BRCA1: variants seen among roughly 807,000 people sequenced by gnomAD.
The protein encoded by BRCA1 is breast cancer type 1 susceptibility protein.
BRCA1 carries 140 observed loss-of-function variants against 173.7 expected under a neutral mutation model. That is an observed-to-expected ratio of 0.81 (90% confidence interval 0.70 to 0.93). The LOEUF is 0.93. Among genes scored for constraint, BRCA1 ranks in the 40% least tolerant of loss-of-function variants. The pLI is 0.00. For synonymous variants in BRCA1, 662 were observed against 756.0 expected, an observed-to-expected ratio of 0.88 and a Z score of 2.04; for missense variants, 1,983 against 2,172.5, an observed-to-expected ratio of 0.91 and a Z score of 1.73.
intron 1 of BRCA1, chr17:43,167,275 C>G (rs192620848): frequency 2.6e-5 from 4 of 152,166 alleles, no homozygotes; most frequent in African/African-American, 9.7e-5. Flanking sequence ...TATCAGACAC[C>G]GAGTTAAAGA....
chr17:43,136,526 A>G (rs2154581404), intron 1 of BRCA1, among the ~76,000 whole-genome samples: 1 of 152,342 alleles, frequency 6.6e-6, no homozygotes, highest in South Asian at 2.1e-4. Flanking sequence ...AATTTTTACA[A>G]TCTACCCATC....
chr17:43,058,109 C>CTAGCACTT lies in BRCA1; in HGVS notation c.5194-982_5194-975dup, dbSNP rs542522579. ...GCACCAATGGCTCACACCTATAACC[C>CTAGCACTT]TAGCACTTTGGCACTTTGGGAGGCT... is the stretch of plus-strand genomic sequence containing the variant. On this transcript the variant is annotated intron_variant, in intron 18 of 22. Transcript: ENST00000357654. 3.2e-3 allele frequency among the ~76,000 whole-genome samples: 486 copies of CTAGCACTT among 151,814 alleles called. 1 individual carries two copies. The highest frequency in any genetic ancestry group is 5.1e-3 in the Non-Finnish European group (344 of 67,958).
At chr17:43,115,668 G>T in intron 3 of BRCA1, 58 bp downstream of exon 3, 1 of 1,533,900 alleles carries the variant, frequency 6.5e-7, no homozygotes, top group Non-Finnish European at 9.0e-7. Flanking sequence ...TGTTTCCTGG[G>T]TTATGAAGGA....
chr17:43,168,312 A>T (rs2056281320), intron 1 of BRCA1: 2 of 368,392 alleles, frequency 5.4e-6, no homozygotes, highest in Admixed American at 3.9e-5. Flanking sequence ...AAAGGTTTAG[A>T]AAAATGACAA....
rs1567792698 is a variant in BRCA1, at chr17:43,092,372, T to C, written c.3159A>G (p.Glu1053=). ...CTATTTCATTAATACTGGAGCCCAC[T>C]TCATTAGTACTGGAACCTACTTCAT... ...NINEVGSSTN[E]VGSSINEIGS... The change falls in exon 10 of 23, where the codon GAA becomes GAG. Residue 1053 remains glutamate, a synonymous_variant. Coordinates refer to ENST00000357654, the MANE Select transcript of BRCA1 (RefSeq NM_007294.4). 6.2e-7 allele frequency: 1 copy of C among 1,613,944 alleles called. No individual in the cohort carries two copies. Among genetic ancestry groups the C allele is most frequent in the South Asian group, 1.1e-5 (1 of 91,074 alleles).
At chr17:43,079,279 C>T (rs2052888036) in intron 12 of BRCA1, 1 of 1,388,244 alleles carries the variant, frequency 7.2e-7, no homozygotes, top group Non-Finnish European at 1.0e-6. Flanking sequence ...GCCAGAACCA[C>T]CATCTTTCAG....
In BRCA1 at chr17:43,095,839, C is replaced by T. The variant is rs80358167; in HGVS notation, c.670+7G>A. The T allele has an allele frequency of 6.2e-7, 1 of 1,611,050 alleles. No individual in the cohort carries two copies. Among genetic ancestry groups the T allele is most frequent in the Non-Finnish European group, 8.5e-7 (1 of 1,177,702 alleles). ...GTGCCTGTTAAGTTGGCAAACTTTG[C>T]CATTACCCTTTTTTGCAGAATCCAA... On this transcript the variant is annotated splice_region_variant and intron_variant, in intron 9 of 22. Coordinates refer to ENST00000357654, the MANE Select transcript of BRCA1 (RefSeq NM_007294.4).
At chr17:43,070,828 T>C in intron 15 of BRCA1, 100 bp downstream of exon 15, 7 of 1,361,618 alleles carry the variant, frequency 5.1e-6, no homozygotes, top group Non-Finnish European at 7.2e-6. Flanking sequence ...GTTTTCTAGA[T>C]TTCTTCCTCT....
chr17:43,153,123 G>A (rs716105), intron 1 of BRCA1, among the ~76,000 whole-genome samples: 194 of 152,256 alleles, frequency 1.3e-3, no homozygotes, highest in Non-Finnish European at 2.2e-3. Context: ...TTTAGGAGAC[G>A]AACTGCTGGA....
At position 43,125,293 on chromosome 17, in the gene BRCA1, A is replaced by G. The variant is rs544342552; in HGVS notation, c.-42T>C. 3 of 456,232 alleles carry G rather than the reference A, an allele frequency of 6.6e-6. No homozygotes were observed. Among genetic ancestry groups the G allele is most frequent in the South Asian group, 4.6e-5 (3 of 64,566 alleles). The allele number at this position is 456,232 out of a possible 1,614,324, so 28.3% of individuals were successfully genotyped here. ...TACCTTTACCCAGAGCAGAGGGTGA[A>G]GGCCTCCTGAGCGCAGGGGCCCAGT... On this transcript the variant is annotated 5_prime_UTR_variant, in exon 1 of 23. Coordinates refer to ENST00000357654, the MANE Select transcript of BRCA1 (RefSeq NM_007294.4).
rs397507186 is a variant in BRCA1, at chr17:43,106,540, A to AT, written c.135-8dup. ...AAGTTTCAGCATGCAAAATCTATAAATTATAAAGAAAGAAAGAACAATTTA... is the reference window on the plus strand; with the variant it reads ...AAGTTTCAGCATGCAAAATCTATAAATTTATAAAGAAAGAAAGAACAATTTA... On this transcript the variant is annotated splice_polypyrimidine_tract_variant and splice_region_variant and intron_variant, in intron 3 of 22. Coordinates refer to ENST00000357654, the MANE Select transcript of BRCA1 (RefSeq NM_007294.4). The AT allele has an allele frequency of 6.4e-7, 1 of 1,569,868 alleles. No individual in the cohort carries two copies. The highest frequency in any genetic ancestry group is 8.8e-7 in the Non-Finnish European group (1 of 1,141,756).
chr17:43,063,450 A>G (rs2153572431), intron 17 of BRCA1, 77 bp from the exon 18 acceptor site: 1 of 1,237,030 alleles, frequency 8.1e-7, no homozygotes, highest in Non-Finnish European at 1.2e-6. Flanking sequence ...GAGGTCAGCG[A>G]TTCACAAAAG....
chr17:43,097,364 G>T, intron 7 of BRCA1, 75 bp from the exon 8 acceptor site: 1 of 1,196,026 alleles, frequency 8.4e-7, no homozygotes, highest in Non-Finnish European at 1.2e-6. Context: ...TGTACTTGTT[G>T]AAAAACAGAT....
At chr17:43,139,041 G>C (rs1259203084) in intron 1 of BRCA1, 35 of 728,780 alleles carry the variant, frequency 4.8e-5, no homozygotes, top group Non-Finnish European at 8.3e-5. Flanking sequence ...GAAATATCTA[G>C]AGTAATTTCT....
chr17:43,107,364 A>T (rs2054842021), intron 3 of BRCA1, among the ~76,000 whole-genome samples: 1 of 148,708 alleles, frequency 6.7e-6, no homozygotes, highest in Non-Finnish European at 1.5e-5. Flanking sequence ...TGCCTGGCCG[A>T]CGATTTTTAT....
At chr17:43,104,573 T>G (rs2054655656) in intron 5 of BRCA1, among the ~76,000 whole-genome samples, 1 of 152,160 alleles carries the variant, frequency 6.6e-6, no homozygotes, top group South Asian at 2.1e-4. Context: ...GTTGCACTAT[T>G]ATTTTCTGTA....
intron 3 of BRCA1, among the ~76,000 whole-genome samples, chr17:43,109,381 T>A (rs182691223): frequency 1.3e-5 from 2 of 152,254 alleles, no homozygotes; most frequent in East Asian, 3.9e-4. Flanking sequence ...CAGAATTGGA[T>A]TGTAGCAAAG....
Position 43,092,731 on chromosome 17 carries a change from G to A in BRCA1, c.2800C>T (p.Gln934Ter), listed in dbSNP as rs80357223. The A allele has an allele frequency of 1.2e-6, 2 of 1,614,024 alleles. No individual in the cohort carries two copies. Among genetic ancestry groups the A allele is most frequent in the East Asian group, 4.5e-5 (2 of 44,882 alleles). The stretch of plus-strand genomic sequence containing the variant: ...GCATTATCAACTGGCTTATCTTTCT[G>A]ACCAACCACAGGAAAGCCTGCAGTG... ...NITAGFPVVG[Q>*]KDKPVDNAKC... The change falls in exon 10 of 23, where the codon CAG becomes TAG. Residue 934 changes from glutamine (Q) to a stop codon, truncating the protein, a stop_gained. Transcript: ENST00000357654. LOFTEE classifies it high-confidence loss of function.
chr17:43,124,849 C>G (rs956950154), intron 1 of BRCA1: 10 of 296,880 alleles, frequency 3.4e-5, no homozygotes, highest in South Asian at 3.0e-4. Context: ...CTCCGCCTCC[C>G]GGGTTCTAGC....
Sources: allele counts gnomAD v4.1 joint callset (sites outside exome capture counted in the v4.1 genomes callset), GRCh38; gene constraint gnomAD v4.1.1; transcripts MANE v1.5; gene names NCBI Gene and HGNC (gene_info 2026-07-23, HGNC 2026-07-21).